The following ETV6 variants were observed in gnomAD, a reference collection of about 807,000 sequenced individuals.
ETV6 encodes the protein ETS variant transcription factor 6.
In ETV6, 16 loss-of-function variants were observed where a neutral mutation model predicts 51.1. That is an observed-to-expected ratio of 0.31 (90% CI 0.21 to 0.48). The LOEUF is 0.48. Among genes scored for constraint, ETV6 ranks in the 20% least tolerant of loss-of-function variants. ETV6 has a pLI of 0.99. For missense variants in ETV6, 458 were observed against 594.8 expected, an observed-to-expected ratio of 0.77 and a Z score of 2.39; for synonymous variants, 240 against 224.1, an observed-to-expected ratio of 1.07 and a Z score of -0.64.
At chr12:11,840,400 C>T (rs1220686120) in intron 3 of ETV6, 9 of 455,852 alleles carry the variant, frequency 2.0e-5, no homozygotes, top group Non-Finnish European at 3.5e-5. Flanking sequence ...CAGGTTTATG[C>T]CTCTTGCGGG....
At chr12:11,670,570 T>C (rs546393188) in intron 1 of ETV6, among the ~76,000 whole-genome samples, 4 of 152,332 alleles carry the variant, frequency 2.6e-5, no homozygotes, top group African/African-American at 9.6e-5. Flanking sequence ...TGGGACTAAA[T>C]GGAAGGGATT....
At chr12:11,719,291 G>A (rs1865337816) in intron 1 of ETV6, among the ~76,000 whole-genome samples, 1 of 152,222 alleles carries the variant, frequency 6.6e-6, no homozygotes, top group East Asian at 1.9e-4. Context: ...AAGGAAATGT[G>A]GTCCTTGCCC....
In ETV6 at chr12:11,851,762, G is replaced by C. The variant is rs116487878; in HGVS notation, c.329-1665G>C. Among the ~76,000 whole-genome samples, 274 of 152,256 alleles carry C rather than the reference G, an allele frequency of 1.8e-3. 1 individual carries two copies. The highest frequency in any genetic ancestry group is 6.3e-3 in the African/African-American group (263 of 41,542). ...ACAGCAACCAAATTTCAAAGGTAGA[G>C]GTAGGAACAAAGTCAAGGCAAAAAC... On this transcript the variant is annotated intron_variant, in intron 3 of 7. Coordinates refer to ENST00000396373, the MANE Select transcript of ETV6 (RefSeq NM_001987.5).
chr12:11,793,702 A>C (rs927495831), intron 2 of ETV6, among the ~76,000 whole-genome samples: 2 of 152,178 alleles, frequency 1.3e-5, no homozygotes, highest in Admixed American at 1.3e-4. Context: ...GGCAGGAAAG[A>C]AAGATCAAGG....
intron 2 of ETV6, among the ~76,000 whole-genome samples, chr12:11,827,354 G>A (rs1048082079): frequency 6.6e-6 from 1 of 152,122 alleles, no homozygotes; most frequent in African/African-American, 2.4e-5. Flanking sequence ...ACTCTCCAAA[G>A]AGCCAGGGAA....
At chr12:11,679,402 G>A (rs1006535666) in intron 1 of ETV6, among the ~76,000 whole-genome samples, 1 of 152,218 alleles carries the variant, frequency 6.6e-6, no homozygotes, top group African/African-American at 2.4e-5. Context: ...CTTAGTGCTC[G>A]ATAAATGAAT....
chr12:11,733,407 C>CAAAA (rs11394100), intron 1 of ETV6, among the ~76,000 whole-genome samples: 2 of 101,046 alleles, frequency 2.0e-5, no homozygotes, highest in Non-Finnish European at 1.8e-5. Flanking sequence ...GACTCCATCT[C>CAAAA]AAAAAAAAAA....
At chr12:11,827,766 C>T (rs1217749130) in intron 2 of ETV6, among the ~76,000 whole-genome samples, 1 of 152,162 alleles carries the variant, frequency 6.6e-6, no homozygotes, top group Non-Finnish European at 1.5e-5. Flanking sequence ...ATGAGTTTTA[C>T]TCTGGTTACA....
intron 1 of ETV6, among the ~76,000 whole-genome samples, chr12:11,710,859 G>A (rs1300286412): frequency 1.3e-5 from 2 of 152,108 alleles, no homozygotes; most frequent in South Asian, 2.1e-4. Context: ...GTTAGTGTAG[G>A]GTCATGAGTC....
At chr12:11,882,045 G>C (rs58815511) in intron 5 of ETV6, among the ~76,000 whole-genome samples, 19,794 of 152,136 alleles carry the variant, frequency 0.13, 1,741 homozygotes, top group African/African-American at 0.24. Flanking sequence ...GGGGTTCAAA[G>C]TCCAGGACTA....
chr12:11,659,278 TAA>T (rs2120633660), intron 1 of ETV6, among the ~76,000 whole-genome samples: 1 of 152,348 alleles, frequency 6.6e-6, no homozygotes, highest in Admixed American at 6.5e-5. Context: ...AATTCGATCC[TAA>T]GTCATTCTTT....
intron 3 of ETV6, among the ~76,000 whole-genome samples, chr12:11,842,987 C>T (rs991682768): frequency 4.6e-5 from 7 of 152,180 alleles, no homozygotes; most frequent in African/African-American, 1.4e-4. Context: ...AAGAGGCAGG[C>T]CAGGGCTGGG....
chr12:11,725,991 A>G (rs532353774), intron 1 of ETV6, among the ~76,000 whole-genome samples: 1 of 152,298 alleles, frequency 6.6e-6, no homozygotes, highest in Non-Finnish European at 1.5e-5. Flanking sequence ...GCAGTACAAC[A>G]TGACTAAGAC....
intron 2 of ETV6, among the ~76,000 whole-genome samples, chr12:11,837,819 G>A (rs1053840928): frequency 6.6e-6 from 1 of 152,164 alleles, no homozygotes; most frequent in Non-Finnish European, 1.5e-5. Context: ...TTCTGACCCA[G>A]CAGTTCTTAA....
intron 1 of ETV6, among the ~76,000 whole-genome samples, chr12:11,724,888 C>T (rs568597931): frequency 1.3e-5 from 2 of 152,314 alleles, no homozygotes; most frequent in African/African-American, 2.4e-5. Flanking sequence ...CTGAATAAAT[C>T]GCAACAGAGT....
intron 1 of ETV6, among the ~76,000 whole-genome samples, chr12:11,659,181 G>A (rs1864054087): frequency 6.6e-6 from 1 of 152,196 alleles, no homozygotes; most frequent in South Asian, 2.1e-4. Flanking sequence ...TGTTACTTTG[G>A]GGCATGGGGA....
chr12:11,856,787 A>C (rs1228975907), intron 4 of ETV6, among the ~76,000 whole-genome samples: 1 of 152,240 alleles, frequency 6.6e-6, no homozygotes, highest in South Asian at 2.1e-4. Context: ...TGATGTGGGC[A>C]TATGTTAACA....
intron 1 of ETV6, among the ~76,000 whole-genome samples, chr12:11,705,680 A>G (rs928743081): frequency 6.6e-6 from 1 of 152,238 alleles, no homozygotes; most frequent in African/African-American, 2.4e-5. Flanking sequence ...CATAATAAAA[A>G]CAGCACATTA....
At chr12:11,678,396 C>T (rs1362349016) in intron 1 of ETV6, among the ~76,000 whole-genome samples, 1 of 152,156 alleles carries the variant, frequency 6.6e-6, no homozygotes, top group Non-Finnish European at 1.5e-5. Context: ...AACTAACAGA[C>T]CTAGGTGGTT....
Sources: gnomAD v4.1 joint callset for allele counts (sites outside exome capture counted in the v4.1 genomes callset) on GRCh38, gnomAD v4.1.1 for gene constraint, MANE v1.5 for transcripts, NCBI Gene and HGNC (gene_info 2026-07-23, HGNC 2026-07-21) for gene names.